The following RIT2 variants were observed in gnomAD, a reference collection of about 807,000 sequenced individuals.
RIT2 encodes GTP-binding protein Rit2.
A neutral mutation model predicts 23.7 loss-of-function variants in RIT2; 24 were observed. The ratio of observed to expected loss-of-function variants is 1.01; its 90% confidence interval spans 0.73 to 1.43. The LOEUF (loss-of-function observed/expected upper bound fraction) is 1.43, where lower values mean the gene tolerates loss of function less well. RIT2 is among the 40% of genes most tolerant of loss of function. The pLI is 0.00. For synonymous variants in RIT2, 107 were observed against 91.1 expected, an observed-to-expected ratio of 1.17 and a Z score of -0.99; for missense variants, 236 against 266.9, an observed-to-expected ratio of 0.88 and a Z score of 0.81.
chr18:42,787,167 T>C (rs28447520), intron 4 of RIT2, among the ~76,000 whole-genome samples: 43,806 of 130,170 alleles, frequency 0.34, 9,429 homozygotes, highest in African/African-American at 0.62. Context: ...GTGTGATGTT[T>C]GCCTTCCTGT....
intron 4 of RIT2, among the ~76,000 whole-genome samples, chr18:42,763,616 T>G (rs2143904142): frequency 6.6e-6 from 1 of 152,284 alleles, no homozygotes; most frequent in African/African-American, 2.4e-5. Flanking sequence ...CACTGTACAC[T>G]TAGGCCACAC....
chr18:42,976,809 C>T (rs1050992811), intron 2 of RIT2, among the ~76,000 whole-genome samples: 3 of 151,900 alleles, frequency 2.0e-5, no homozygotes, highest in African/African-American at 7.3e-5. Context: ...AGACTAGAGG[C>T]ACAGAAAGAA....
At chr18:43,083,152 A>G (rs577709884) in intron 1 of RIT2, among the ~76,000 whole-genome samples, 14 of 152,166 alleles carry the variant, frequency 9.2e-5, no homozygotes, top group South Asian at 6.2e-4. Context: ...AGAATAAAAT[A>G]CCTAGGAATA....
At chr18:43,032,008 A>G (rs961911468) in intron 2 of RIT2, among the ~76,000 whole-genome samples, 9 of 152,126 alleles carry the variant, frequency 5.9e-5, no homozygotes, top group East Asian at 1.9e-4. Flanking sequence ...CAGGATACCA[A>G]TGGAAAATTG....
At chr18:43,062,934 T>C (rs1344102266) in intron 1 of RIT2, among the ~76,000 whole-genome samples, 2 of 152,078 alleles carry the variant, frequency 1.3e-5, no homozygotes, top group Non-Finnish European at 2.9e-5. Flanking sequence ...TGGACTTTAT[T>C]AATAAGAATT....
chr18:43,107,417 G>A (rs555603017), intron 1 of RIT2, among the ~76,000 whole-genome samples: 24 of 152,146 alleles, frequency 1.6e-4, no homozygotes, highest in South Asian at 6.2e-4. Flanking sequence ...AGGTCTAGGC[G>A]TGCACGCGTG....
chr18:42,796,423 G>A (rs1340712268), intron 4 of RIT2, among the ~76,000 whole-genome samples: 2 of 152,098 alleles, frequency 1.3e-5, no homozygotes, highest in African/African-American at 2.4e-5. Context: ...GCGAGGGTCC[G>A]CGGCTTCATT....
chr18:42,990,691 ACTTT>A (rs1910821624), intron 2 of RIT2, among the ~76,000 whole-genome samples: 1 of 152,182 alleles, frequency 6.6e-6, no homozygotes, highest in African/African-American at 2.4e-5. Context: ...AATTCAGTTT[ACTTT>A]CTTCTCACAT....
At chr18:42,831,267 G>C (rs1246117772) in intron 4 of RIT2, among the ~76,000 whole-genome samples, 1 of 152,140 alleles carries the variant, frequency 6.6e-6, no homozygotes, top group East Asian at 1.9e-4. Flanking sequence ...TTGTCTCAGT[G>C]TTAAAACACT....
At chr18:42,932,629 T>C (rs1909354507) in intron 3 of RIT2, among the ~76,000 whole-genome samples, 1 of 152,174 alleles carries the variant, frequency 6.6e-6, no homozygotes, top group African/African-American at 2.4e-5. Context: ...TTGAACCTTT[T>C]CTAGGGAATC....
intron 1 of RIT2, among the ~76,000 whole-genome samples, chr18:43,039,816 C>G (rs537592910): frequency 2.7e-4 from 41 of 152,206 alleles, no homozygotes; most frequent in East Asian, 3.9e-4. Flanking sequence ...ACCAGTAAAC[C>G]CTTATGTGTA....
intron 4 of RIT2, among the ~76,000 whole-genome samples, chr18:42,911,859 T>C (rs1422153092): frequency 6.6e-6 from 1 of 151,700 alleles, no homozygotes; most frequent in Non-Finnish European, 1.5e-5. Flanking sequence ...TTACCAAATA[T>C]TCAAAAAAGA....
chr18:43,064,427 A>G (rs1317495570), intron 1 of RIT2, among the ~76,000 whole-genome samples: 1 of 152,124 alleles, frequency 6.6e-6, no homozygotes, highest in Non-Finnish European at 1.5e-5. Context: ...GGAGGTGACA[A>G]ATTTCTTTTT....
intron 4 of RIT2, among the ~76,000 whole-genome samples, chr18:42,920,377 T>A (rs952015079): frequency 6.6e-6 from 1 of 152,192 alleles, no homozygotes; most frequent in Non-Finnish European, 1.5e-5. Context: ...TTCAGTTGAC[T>A]CATATGTAAA....
intron 4 of RIT2, among the ~76,000 whole-genome samples, chr18:42,746,994 T>C (rs893715459): frequency 1.3e-5 from 2 of 151,878 alleles, no homozygotes; most frequent in Non-Finnish European, 2.9e-5. Flanking sequence ...AACATGAACA[T>C]GACAAGGATG....
chr18:43,038,798 T>C (rs117150565), intron 1 of RIT2, among the ~76,000 whole-genome samples: 1,566 of 152,270 alleles, frequency 0.01, 19 homozygotes, highest in Non-Finnish European at 0.014. Context: ...AGGGTAGTTT[T>C]GTATCATGTT....
In RIT2 at chr18:42,920,112, G is replaced by A. The variant is rs2144129470; in HGVS notation, c.426+3460C>T. On this transcript the variant is annotated intron_variant, in intron 4 of 4. Transcript: ENST00000326695. ...GCTACTACTGGCTTATCCATGGCCTGGAACTGCCCACTCCAAACCCAAAGA... is the reference window on the plus strand; with the variant it reads ...GCTACTACTGGCTTATCCATGGCCTAGAACTGCCCACTCCAAACCCAAAGA... 1.3e-5 allele frequency among the ~76,000 whole-genome samples: 2 copies of A among 152,200 alleles called. 1 individual carries two copies. The highest frequency in any genetic ancestry group is 4.1e-4 in the South Asian group (2 of 4,828).
intron 4 of RIT2, among the ~76,000 whole-genome samples, chr18:42,797,072 A>C (rs1905386893): frequency 6.6e-6 from 1 of 152,116 alleles, no homozygotes; most frequent in Non-Finnish European, 1.5e-5. Flanking sequence ...GAATTAAATA[A>C]AATAAACAGT....
intron 3 of RIT2, among the ~76,000 whole-genome samples, chr18:42,949,489 C>T (rs1189400490): frequency 2.0e-5 from 3 of 152,098 alleles, no homozygotes; most frequent in African/African-American, 7.2e-5. Context: ...TGATGCCAGT[C>T]TGTGGTTAGA....
Sources: allele counts gnomAD v4.1 joint callset (sites outside exome capture counted in the v4.1 genomes callset), GRCh38; gene constraint gnomAD v4.1.1; transcripts MANE v1.5; gene names NCBI Gene and HGNC (gene_info 2026-07-23, HGNC 2026-07-21).